The following HLCS variants were observed in gnomAD, a reference collection of about 807,000 sequenced individuals.
HLCS encodes biotin--protein ligase.
In HLCS, 53 loss-of-function variants were observed where a neutral mutation model predicts 75.0. The observed-to-expected ratio is 0.71, with a 90% CI of 0.57 to 0.89. The LOEUF is 0.89. HLCS is among the 40% of genes least tolerant of loss of function. The pLI is 0.00. For synonymous variants in HLCS, 431 were observed against 428.6 expected (o/e 1.01, Z -0.07); for missense variants, 966 against 1,074.0 (o/e 0.90, Z 1.41).
intron 6 of HLCS, among the ~76,000 whole-genome samples, chr21:36,893,802 A>G (rs1030652808): frequency 6.6e-6 from 1 of 152,216 alleles, no homozygotes; most frequent in African/African-American, 2.4e-5. Flanking sequence ...TGCAGACCAC[A>G]GCCCGGGGGT....
At chr21:36,956,117 T>A (rs527265457) in intron 2 of HLCS, among the ~76,000 whole-genome samples, 1 of 152,320 alleles carries the variant, frequency 6.6e-6, no homozygotes, top group Admixed American at 6.5e-5. Flanking sequence ...ACATTAACTA[T>A]AATGTATACG....
intron 6 of HLCS, among the ~76,000 whole-genome samples, chr21:36,771,960 C>T (rs2060221577): frequency 6.6e-6 from 1 of 150,862 alleles, no homozygotes; most frequent in East Asian, 1.9e-4. Context: ...GATCACACCA[C>T]TGCACTCCAG....
In HLCS at chr21:36,779,643, G is replaced by GT. The variant is rs967208211; in HGVS notation, c.1893-12359dup. ...AACTAGAGTTCAATATTTGTTTACA[G>GT]TTTTTTTTGCCCTTAGCCTGAGGGT... On this transcript the variant is annotated intron_variant, in intron 6 of 10. Transcript: ENST00000674895. Among the ~76,000 whole-genome samples, 8 of 151,938 alleles carry GT rather than the reference G, an allele frequency of 5.3e-5. No individual in the cohort carries two copies. The East Asian group carries it at 5.8e-4, about 11-fold the overall frequency.
chr21:36,870,457 T>G (rs948492372), intron 6 of HLCS, among the ~76,000 whole-genome samples: 1 of 152,198 alleles, frequency 6.6e-6, no homozygotes. Flanking sequence ...CCCCCACCAT[T>G]TCTTAAAGTA....
intron 6 of HLCS, among the ~76,000 whole-genome samples, chr21:36,832,143 G>A (rs894311658): frequency 5.3e-5 from 8 of 152,174 alleles, no homozygotes; most frequent in Non-Finnish European, 5.9e-5. Context: ...GGTGGGTTGC[G>A]GCTAGATATG....
rs147303028 is a variant in HLCS, at chr21:36,880,555, T to C, written c.1892+16305A>G. On this transcript the variant is annotated intron_variant, in intron 6 of 10. Transcript: ENST00000674895. ...TCCATTTATAAAAGAGAAGATGCCA[T>C]AGGTTGTTTCCGGAAGTGGAAAGGG... 1.5e-4 allele frequency among the ~76,000 whole-genome samples: 23 copies of C among 151,762 alleles called. No homozygotes were observed. In the East Asian group the frequency reaches 4.3e-3, roughly 28 times the overall value.
intron 4 of HLCS, among the ~76,000 whole-genome samples, chr21:36,935,019 T>C (rs1292369292): frequency 2.0e-5 from 3 of 152,188 alleles, no homozygotes; most frequent in Admixed American, 1.3e-4. Context: ...TCAATTTAAA[T>C]GGTGCAGCAA....
intron 2 of HLCS, among the ~76,000 whole-genome samples, chr21:36,952,809 A>T (rs1246262407): frequency 6.6e-6 from 1 of 151,650 alleles, no homozygotes; most frequent in Non-Finnish European, 1.5e-5. Flanking sequence ...AAAAAAAAAA[A>T]AAAGAATTAA....
At chr21:36,784,878 TC>T (rs2060641423) in intron 6 of HLCS, among the ~76,000 whole-genome samples, 1 of 152,142 alleles carries the variant, frequency 6.6e-6, no homozygotes, top group South Asian at 2.1e-4. Flanking sequence ...TTCAAATACT[TC>T]ATTTTCCCTT....
intron 5 of HLCS, among the ~76,000 whole-genome samples, chr21:36,904,546 A>G (rs985123765): frequency 2.0e-5 from 3 of 152,214 alleles, no homozygotes; most frequent in Non-Finnish European, 2.9e-5. Context: ...ACATAACTAT[A>G]TACCACCCAT....
intron 6 of HLCS, among the ~76,000 whole-genome samples, chr21:36,810,551 T>G (rs745147): frequency 0.3 from 45,687 of 152,014 alleles, 7,117 homozygotes; most frequent in South Asian, 0.41. Context: ...ACCATAAACT[T>G]GCCTGCTTCT....
chr21:36,749,281 T>C lies in HLCS; in HGVS notation c.*4965A>G, dbSNP rs1354035515. On this transcript the variant is annotated 3_prime_UTR_variant, in exon 11 of 11. Transcript: ENST00000674895. The stretch of plus-strand genomic sequence containing the variant: ...ATGCATTGAACCGCCGTCCTTCAAT[T>C]TTCTTCACACTATCAACACTGCAGC... The C allele has an allele frequency of 6.6e-6, 1 of 152,664 alleles. No homozygotes were observed. Among genetic ancestry groups the C allele is most frequent in the Non-Finnish European group, 1.5e-5 (1 of 68,046 alleles). The allele number at this position is 152,664 out of a possible 1,614,324, so 9.5% of individuals were successfully genotyped here. A position where few individuals can be genotyped will look rare whatever the true frequency, so the allele number is the denominator to read the frequency against.
At chr21:36,968,932 T>C (rs2068712132), upstream of HLCS, 1 of 152,202 alleles carries the variant, frequency 6.6e-6, no homozygotes, top group African/African-American at 2.4e-5. Context: ...ATAGGAATTT[T>C]CTAGGTTTAC....
intron 6 of HLCS, among the ~76,000 whole-genome samples, chr21:36,784,733 A>G (rs1423062270): frequency 6.6e-6 from 1 of 152,098 alleles, no homozygotes; most frequent in Non-Finnish European, 1.5e-5. Context: ...TTCTTGCTTT[A>G]TCTTTTTTTC....
intron 6 of HLCS, among the ~76,000 whole-genome samples, chr21:36,856,274 T>G (rs776752481): frequency 7.9e-5 from 12 of 152,170 alleles, no homozygotes; most frequent in Admixed American, 2.6e-4. Flanking sequence ...TTGGTCAAAT[T>G]TGGTTGAAAA....
In HLCS at chr21:36,966,444, C is replaced by CCCCCGCGGG; in HGVS notation, c.194_195insCCCGCGGGG (p.Gln65delinsHisProArgGly). ...TCGCCCGCCCGCCCGACCCGCCCAC[C>CCCCCGCGGG]TGGCTGTCGCTGACGCAGAAGACGC... On this transcript the variant is annotated protein_altering_variant and splice_region_variant, in exon 1 of 11. Transcript: ENST00000674895. 1 of 975,110 alleles carries CCCCCGCGGG rather than the reference C, an allele frequency of 1.0e-6. No individual in the cohort carries two copies. Among genetic ancestry groups the CCCCCGCGGG allele is most frequent in the Non-Finnish European group, 1.2e-6 (1 of 821,316 alleles). The allele number at this position is 975,110 out of a possible 1,614,324, so 60.4% of individuals were successfully genotyped here.
intron 9 of HLCS, chr21:36,757,051 A>G (rs1290310133): frequency 1.6e-6 from 1 of 641,412 alleles, no homozygotes; most frequent in Non-Finnish European, 1.9e-6. Flanking sequence ...GCTATTAAAT[A>G]TGGGACAAAA....
intron 6 of HLCS, among the ~76,000 whole-genome samples, chr21:36,856,290 A>T (rs2146167516): frequency 6.6e-6 from 1 of 152,150 alleles, no homozygotes; most frequent in African/African-American, 2.4e-5. Context: ...GAAAAGCGCT[A>T]CTCCAGACTT....
At chr21:36,888,447 TATATATATATATATA>T (rs2064602112) in intron 6 of HLCS, among the ~76,000 whole-genome samples, 1 of 16,026 alleles carries the variant, frequency 6.2e-5, no homozygotes, top group Admixed American at 1.1e-3. Flanking sequence ...AAAAAAAAAA[TATATATATATATATA>T]TATATATATA....
Sources: gnomAD v4.1 joint callset for allele counts (sites outside exome capture counted in the v4.1 genomes callset) on GRCh38, gnomAD v4.1.1 for gene constraint, MANE v1.5 for transcripts, NCBI Gene and HGNC (gene_info 2026-07-23, HGNC 2026-07-21) for gene names.